The following FAM228B variants were observed in gnomAD, a reference collection of about 807,000 sequenced individuals.
The protein encoded by FAM228B is family with sequence similarity 228 member B.
Under a neutral mutation model 42.6 loss-of-function variants are expected in FAM228B, and 38 were observed. That is an observed-to-expected ratio of 0.89 (90% CI 0.69 to 1.17). FAM228B has a LOEUF of 1.17. Among genes scored for constraint, FAM228B ranks in the 50% most tolerant of loss-of-function variants. The probability of loss-of-function intolerance (pLI) is 0.00; values close to 1 mark genes in which losing one functional copy is unlikely to be tolerated. For missense variants in FAM228B, 344 were observed against 367.3 expected (o/e 0.94, Z 0.52); for synonymous variants, 109 against 122.3 (o/e 0.89, Z 0.72).
Position 24,077,852 on chromosome 2 carries a change from C to G in FAM228B, c.-290+883C>G. On this transcript the variant is annotated intron_variant, in intron 1 of 10. Coordinates refer to the FAM228B transcript ENST00000613899. The surrounding 1 kb of genome is among the most constrained non-coding windows in gnomAD (Gnocchi z 5.5). ...TCAGCCTTCTTGCTCTCTCTGAAGC[C>G]ACGTATCTGAAAAAGCACACAGGGA... is the stretch of plus-strand genomic sequence containing the variant. The G allele has an allele frequency of 2.1e-6, 3 of 1,432,350 alleles. No homozygotes were observed. The highest frequency in any genetic ancestry group is 9.5e-7 in the Non-Finnish European group (1 of 1,056,892). 88.7% of individuals were successfully genotyped at this position (1,432,350 alleles called of 1,614,324 possible). A position where few individuals can be genotyped will look rare whatever the true frequency, so the allele number is the denominator to read the frequency against.
At chr2:24,093,174 T>C (rs1408532908) in intron 2 of FAM228B, among the ~76,000 whole-genome samples, 1 of 152,212 alleles carries the variant, frequency 6.6e-6, no homozygotes, top group East Asian at 1.9e-4. Flanking sequence ...GGGATACATG[T>C]GTTGAAGGTG....
chr2:24,088,931 T>C (rs1298628967), intron 2 of FAM228B, among the ~76,000 whole-genome samples: 1 of 152,210 alleles, frequency 6.6e-6, no homozygotes, highest in African/African-American at 2.4e-5. Context: ...AATTGATTGA[T>C]GTGGGAATAA....
chr2:24,083,566 A>C (rs1297854082), intron 2 of FAM228B, among the ~76,000 whole-genome samples: 2 of 152,114 alleles, frequency 1.3e-5, no homozygotes, highest in African/African-American at 4.8e-5. Flanking sequence ...TGGCAGAACC[A>C]CCTGAGGAGT....
chr2:24,096,793 G>T (rs888871535), intron 3 of FAM228B: 11 of 152,124 alleles, frequency 7.2e-5, no homozygotes, highest in African/African-American at 2.4e-4. Context: ...ACACCACAAA[G>T]ATACTCCTTG....
At chr2:24,133,594 A>G (rs1374547539) in intron 2 of FAM228B, among the ~76,000 whole-genome samples, 1 of 152,254 alleles carries the variant, frequency 6.6e-6, no homozygotes, top group Non-Finnish European at 1.5e-5. Context: ...ATTCTGTGCT[A>G]GAAATCAACT....
At chr2:24,083,459 C>T (rs1030616191) in intron 2 of FAM228B, among the ~76,000 whole-genome samples, 6 of 152,152 alleles carry the variant, frequency 3.9e-5, no homozygotes, top group Non-Finnish European at 5.9e-5. Flanking sequence ...GGATTAGGAA[C>T]CTTGACGATG....
intron 8 of FAM228B, among the ~76,000 whole-genome samples, chr2:24,162,077 C>T (rs968114704): frequency 3.3e-5 from 5 of 151,634 alleles, no homozygotes; most frequent in East Asian, 1.9e-4. Flanking sequence ...CCAGCTTGGG[C>T]GACAGAGCAA....
At chr2:24,120,184 T>G (rs1325289239), upstream of FAM228B, among the ~76,000 whole-genome samples, 1 of 151,804 alleles carries the variant, frequency 6.6e-6, no homozygotes, top group African/African-American at 2.4e-5. Context: ...CAGGAGAATC[T>G]CTTGAACCCA....
At chr2:24,108,049 G>A (rs1053498219) in intron 3 of FAM228B, among the ~76,000 whole-genome samples, 4 of 152,094 alleles carry the variant, frequency 2.6e-5, no homozygotes, top group Non-Finnish European at 2.9e-5. Context: ...AAGAAAAAAC[G>A]AGAGAAGATC....
At chr2:24,091,020 T>G (rs1466749456) in intron 2 of FAM228B, among the ~76,000 whole-genome samples, 1 of 152,242 alleles carries the variant, frequency 6.6e-6, no homozygotes, top group Admixed American at 6.5e-5. Context: ...CAAGCTGACA[T>G]TATTATTTAA....
At position 24,084,621 on chromosome 2, in the gene FAM228B, G is replaced by A. The variant is rs33927256; in HGVS notation, c.-210+3666G>A. ...GGAAGTGGGATGGCGGTACAGGGCT[G>A]GATGCGGCAGAGCAGGACAACGCCG... On this transcript the variant is annotated intron_variant, in intron 2 of 10. Coordinates refer to the FAM228B transcript ENST00000613899. The surrounding 1 kb of genome is among the most constrained non-coding windows in gnomAD (Gnocchi z 8.4). 4.4e-4 allele frequency: 156 copies of A among 357,094 alleles called. 1 individual carries two copies. The highest frequency in any genetic ancestry group is 3.0e-3 in the African/African-American group (139 of 46,742). The allele number at this position is 357,094 out of a possible 1,614,324, so 22.1% of individuals were successfully genotyped here. A position where few individuals can be genotyped will look rare whatever the true frequency, so the allele number is the denominator to read the frequency against.
Position 24,077,208 on chromosome 2 carries a change from T to G in FAM228B, c.-290+239T>G, listed in dbSNP as rs952944861. Among the ~76,000 whole-genome samples, 8 of 151,650 alleles carry G rather than the reference T, an allele frequency of 5.3e-5. No individual in the cohort carries two copies. Among genetic ancestry groups the G allele is most frequent in the African/African-American group, 1.9e-4 (8 of 41,306 alleles). Reference sequence around the variant, plus strand: ...ACTGGTTGCGGGGCGCGCGGGCAGGTGCCGGAGGTGGTGGGCCTGGGCCTC... The same window carrying G: ...ACTGGTTGCGGGGCGCGCGGGCAGGGGCCGGAGGTGGTGGGCCTGGGCCTC... On this transcript the variant is annotated intron_variant, in intron 1 of 10. Transcript: ENST00000613899. This position sits in a 1 kb window ranked among gnomAD's most constrained non-coding sequence, Gnocchi z 5.5.
rs1484612969 is a variant in FAM228B at position 24,080,473 on chromosome 2, C to T, written c.-289-403C>T. 6.6e-6 allele frequency among the ~76,000 whole-genome samples: 1 copy of T among 152,238 alleles called. No individual in the cohort carries two copies. The highest frequency in any genetic ancestry group is 1.5e-5 in the Non-Finnish European group (1 of 68,044). On this transcript the variant is annotated intron_variant, in intron 1 of 10. Coordinates refer to the FAM228B transcript ENST00000613899. The surrounding 1 kb of genome is among the most constrained non-coding windows in gnomAD (Gnocchi z 4.7). The stretch of plus-strand genomic sequence containing the variant: ...TTAGGGTGCTACCACCCAACCCTAC[C>T]ATGGCTGGCTCCAAACTGGTCTCTG...
At chr2:24,100,255 A>G (rs1665579694) in intron 3 of FAM228B, among the ~76,000 whole-genome samples, 1 of 152,262 alleles carries the variant, frequency 6.6e-6, no homozygotes, top group South Asian at 2.1e-4. Context: ...AACAAAAGCC[A>G]AAATTGACAA....
chr2:24,101,746 G>C (rs958308930), intron 3 of FAM228B, among the ~76,000 whole-genome samples: 4 of 152,028 alleles, frequency 2.6e-5, no homozygotes, highest in African/African-American at 9.7e-5. Context: ...GCACTGGCGC[G>C]ATCTCAGCTC....
intron 7 of FAM228B, among the ~76,000 whole-genome samples, chr2:24,152,632 GTC>G (rs994514879): frequency 9.2e-5 from 14 of 152,302 alleles, no homozygotes; most frequent in South Asian, 6.2e-4. Flanking sequence ...CAAACAAACA[GTC>G]TCTCTCTCTG....
At chr2:24,161,714 C>T in intron 8 of FAM228B, 101 bp downstream of exon 8, 1 of 750,870 alleles carries the variant, frequency 1.3e-6, no homozygotes, top group Non-Finnish European at 2.3e-6. Context: ...GGTGCTGAGG[C>T]ACACACAAAG....
chr2:24,115,665 A>T (rs2151002190), intron 3 of FAM228B: 1 of 1,563,202 alleles, frequency 6.4e-7, no homozygotes, highest in Admixed American at 1.7e-5. Flanking sequence ...TATCACTACA[A>T]ATGATTCATT....
chr2:24,155,506 TATA>T lies in FAM228B; in HGVS notation c.687-5999_687-5997del, dbSNP rs529995118. ...GCCAGAAGTCATTGAAGACCATGCA[TATA>T]TATATATATATATATATATATATTT... On this transcript the variant is annotated intron_variant, in intron 7 of 10. Transcript: ENST00000615575. 4.4e-3 allele frequency among the ~76,000 whole-genome samples: 220 copies of T among 49,622 alleles called. 41 individuals are homozygous for T. The highest frequency in any genetic ancestry group is 9.0e-3 in the East Asian group (16 of 1,778). 32.6% of individuals were successfully genotyped at this position (49,622 alleles called of 152,430 possible). A position where few individuals can be genotyped will look rare whatever the true frequency, so the allele number is the denominator to read the frequency against.
Sources: allele counts gnomAD v4.1 joint callset (sites outside exome capture counted in the v4.1 genomes callset), GRCh38; gene constraint gnomAD v4.1.1; non-coding constraint Gnocchi (gnomAD v3.1); transcripts MANE v1.5; gene names NCBI Gene and HGNC (gene_info 2026-07-23, HGNC 2026-07-21).